The following MLLT10 variants were observed in gnomAD, a reference collection of about 807,000 sequenced individuals.
MLLT10 encodes the protein protein AF-10.
MLLT10 carries 30 observed loss-of-function variants against 129.1 expected under a neutral mutation model. The ratio of observed to expected loss-of-function variants is 0.23; its 90% confidence interval spans 0.17 to 0.32. The LOEUF (loss-of-function observed/expected upper bound fraction) is 0.32, where lower values mean the gene tolerates loss of function less well. MLLT10 is among the 10% of genes least tolerant of loss of function. MLLT10 has a pLI of 1.00. For synonymous variants in MLLT10, 490 were observed against 446.4 expected, an observed-to-expected ratio of 1.10 and a Z score of -1.23; for missense variants, 1,119 against 1,268.3, an observed-to-expected ratio of 0.88 and a Z score of 1.79.
intron 10 of MLLT10, among the ~76,000 whole-genome samples, chr10:21,671,742 A>G (rs2051429045): frequency 1.3e-5 from 2 of 152,076 alleles, no homozygotes; most frequent in Admixed American, 6.6e-5. Context: ...CTGAGATTGC[A>G]CTACTGCACT....
chr10:21,659,818 C>G (rs766130411), intron 9 of MLLT10, among the ~76,000 whole-genome samples: 2 of 151,514 alleles, frequency 1.3e-5, no homozygotes, highest in African/African-American at 4.8e-5. Flanking sequence ...CTTAGTCTTG[C>G]TCTTTTTGTT....
chr10:21,713,583 T>C (rs1035595728), intron 13 of MLLT10, among the ~76,000 whole-genome samples, 189 bp from the exon 14 acceptor site: 8 of 152,228 alleles, frequency 5.3e-5, no homozygotes, highest in Non-Finnish European at 8.8e-5. Flanking sequence ...TGTAGGTTCT[T>C]TTAGACAACT....
chr10:21,685,668 C>G (rs1339225730), intron 13 of MLLT10, among the ~76,000 whole-genome samples: 1 of 152,024 alleles, frequency 6.6e-6, no homozygotes, highest in East Asian at 1.9e-4. Context: ...ACCAGCATTT[C>G]AAAATAATAT....
In MLLT10 at chr10:21,730,309, GAAAA is replaced by G. The variant is rs10568793; in HGVS notation, c.2064-574_2064-571del. On this transcript the variant is annotated intron_variant, in intron 16 of 22. Coordinates refer to ENST00000307729, the MANE Select transcript of MLLT10 (RefSeq NM_001195626.3). ...GAAGTGAGACCCTATCTCCAAAAAT[GAAAA>G]AAAAAAAAAAAAAAAATTGCTTTGA... Among the ~76,000 whole-genome samples the G allele has an allele frequency of 4.2e-3, 515 of 122,852 alleles. 3 individuals carry two copies. The highest frequency in any genetic ancestry group is 0.014 in the African/African-American group (490 of 34,212). The allele number at this position is 122,852 out of a possible 152,430, so 80.6% of individuals were successfully genotyped here. A position where few individuals can be genotyped will look rare whatever the true frequency, so the allele number is the denominator to read the frequency against.
chr10:21,692,921 A>T lies in MLLT10; in HGVS notation c.1699+10664A>T, dbSNP rs555797006. The stretch of plus-strand genomic sequence containing the variant: ...TCATGAAGAAAGGCAAATTATGTTG[A>T]TAACCACCATATCTGATAAGATTAT... On this transcript the variant is annotated intron_variant, in intron 13 of 22. Coordinates refer to ENST00000307729, the MANE Select transcript of MLLT10 (RefSeq NM_001195626.3). 2.0e-5 allele frequency among the ~76,000 whole-genome samples: 3 copies of T among 152,274 alleles called. No homozygotes were observed. The South Asian group carries it at 6.2e-4, about 32-fold the overall frequency.
intron 13 of MLLT10, among the ~76,000 whole-genome samples, chr10:21,706,862 C>T (rs1258555790): frequency 6.6e-6 from 1 of 152,196 alleles, no homozygotes; most frequent in East Asian, 1.9e-4. Flanking sequence ...CTTTTCACAT[C>T]TAGTGGGCTG....
At chr10:21,677,929 A>G (rs184463826) in intron 11 of MLLT10, among the ~76,000 whole-genome samples, 1 of 152,326 alleles carries the variant, frequency 6.6e-6, no homozygotes, top group East Asian at 1.9e-4. Context: ...CTGCCAGCAC[A>G]GTGCTTTGGA....
chr10:21,724,436 A>G (rs2057339216), intron 14 of MLLT10, among the ~76,000 whole-genome samples: 2 of 152,238 alleles, frequency 1.3e-5, no homozygotes, highest in African/African-American at 4.8e-5. Flanking sequence ...TCTTGTGTGC[A>G]GTTATACATA....
chr10:21,583,178 A>G (rs1711987197), intron 3 of MLLT10, among the ~76,000 whole-genome samples: 1 of 152,178 alleles, frequency 6.6e-6, no homozygotes. Flanking sequence ...TCAAAATAAA[A>G]TAAAATAAAG....
At chr10:21,601,609 C>T (rs781393522) in intron 5 of MLLT10, among the ~76,000 whole-genome samples, 3 of 152,194 alleles carry the variant, frequency 2.0e-5, no homozygotes, top group Admixed American at 6.5e-5. Context: ...ACGATAGCCT[C>T]AAACTGCTGG....
intron 9 of MLLT10, among the ~76,000 whole-genome samples, chr10:21,665,579 C>T (rs533036256): frequency 6.6e-6 from 1 of 152,120 alleles, no homozygotes; most frequent in South Asian, 2.1e-4. Flanking sequence ...TGAGCCACTG[C>T]GCCCAGCCAA....
chr10:21,733,261 C>G (rs545767124), intron 18 of MLLT10, among the ~76,000 whole-genome samples, 174 bp downstream of exon 18: 9 of 152,204 alleles, frequency 5.9e-5, no homozygotes, highest in East Asian at 3.9e-4. Flanking sequence ...ATTTAACTTT[C>G]TTAGTCCATA....
At chr10:21,541,838 T>C (rs1372733687) in intron 3 of MLLT10, among the ~76,000 whole-genome samples, 1 of 152,200 alleles carries the variant, frequency 6.6e-6, no homozygotes, top group African/African-American at 2.4e-5. Context: ...ATAGTTCCGA[T>C]GATATGTTTT....
chr10:21,649,859 GGAGAA>G (rs1330341041), intron 8 of MLLT10, among the ~76,000 whole-genome samples: 1 of 152,160 alleles, frequency 6.6e-6, no homozygotes, highest in Non-Finnish European at 1.5e-5. Context: ...TCAAGGGAGT[GGAGAA>G]GAGGATGTCT....
At chr10:21,635,916 G>A (rs2047415499) in intron 8 of MLLT10, among the ~76,000 whole-genome samples, 1 of 145,130 alleles carries the variant, frequency 6.9e-6, no homozygotes, top group Non-Finnish European at 1.5e-5. Context: ...GTGAGCCGCT[G>A]CACCTGGCCT....
chr10:21,615,488 A>G (rs1288509451), intron 7 of MLLT10, among the ~76,000 whole-genome samples: 2 of 150,860 alleles, frequency 1.3e-5, no homozygotes, highest in Non-Finnish European at 3.0e-5. Flanking sequence ...AAAAAAAAAG[A>G]AAATATATAA....
At chr10:21,543,931 T>G (rs2035654858) in intron 3 of MLLT10, among the ~76,000 whole-genome samples, 1 of 152,210 alleles carries the variant, frequency 6.6e-6, no homozygotes, top group South Asian at 2.1e-4. Flanking sequence ...GAATCTTTTT[T>G]CTACTTTTGT....
chr10:21,667,939 G>A (rs150704429), intron 9 of MLLT10, among the ~76,000 whole-genome samples: 1 of 152,230 alleles, frequency 6.6e-6, no homozygotes, highest in Non-Finnish European at 1.5e-5. Flanking sequence ...AAATAAAAAT[G>A]ACGTGTATTC....
intron 2 of MLLT10, 67 bp from the exon 3 acceptor site, chr10:21,538,766 A>G: frequency 3.4e-6 from 4 of 1,178,836 alleles, no homozygotes; most frequent in Middle Eastern, 3.9e-4. Flanking sequence ...TAGGGCTTTG[A>G]AAGGGTATTT....
Sources: allele counts gnomAD v4.1 joint callset (sites outside exome capture counted in the v4.1 genomes callset), GRCh38; gene constraint gnomAD v4.1.1; transcripts MANE v1.5; gene names NCBI Gene and HGNC (gene_info 2026-07-23, HGNC 2026-07-21).